APOLD1: variants seen among roughly 807,000 people sequenced by gnomAD.
APOLD1 encodes the protein apolipoprotein L domain containing 1, also known as apolipoprotein L domain-containing protein 1.
A neutral mutation model predicts 15.3 loss-of-function variants in APOLD1; 22 were observed. The ratio of observed to expected loss-of-function variants is 1.44; its 90% CI spans 1.03 to 2.05. APOLD1 has a LOEUF of 2.05. APOLD1 is among the 30% of genes most tolerant of loss of function. APOLD1 has a pLI of 0.00. For missense variants in APOLD1, 394 were observed against 353.5 expected (o/e 1.11, Z -0.92); for synonymous variants, 190 against 167.4 (o/e 1.13, Z -1.04).
intron 1 of APOLD1, among the ~76,000 whole-genome samples, chr12:12,748,435 TTC>T (rs1282438126): frequency 2.6e-5 from 4 of 152,234 alleles, no homozygotes; most frequent in Non-Finnish European, 5.9e-5. Flanking sequence ...TGCTTAGATT[TTC>T]TCTTTCTTTC....
chr12:12,745,731 G>A (rs1263399820), intron 1 of APOLD1, among the ~76,000 whole-genome samples: 2 of 152,098 alleles, frequency 1.3e-5, no homozygotes, highest in Non-Finnish European at 2.9e-5. Context: ...TGGCCTCAAG[G>A]CAAGGGCAGG....
At chr12:12,759,221 A>G (rs1169314082) in intron 1 of APOLD1, among the ~76,000 whole-genome samples, 3 of 152,222 alleles carry the variant, frequency 2.0e-5, no homozygotes, top group Non-Finnish European at 2.9e-5. Context: ...AACAACGAAA[A>G]GGGAAACCAT....
rs1296154126 is a variant in APOLD1, at chr12:12,786,975, C to T, written c.70C>T (p.Leu24=). Residue 24 remains leucine (L), a synonymous_variant, in exon 2 of 2, where the codon CTG becomes TTG. Transcript: ENST00000356591. ...PDALRRFQGL[L]LDRRGRLHGQ... ...CGCGCTGCGGCGCTTCCAGGGACTGCTGCTGGACCGCCGAGGCCGGCTGCA... is the reference window on the plus strand; with the variant it reads ...CGCGCTGCGGCGCTTCCAGGGACTGTTGCTGGACCGCCGAGGCCGGCTGCA... The T allele has an allele frequency of 7.6e-6, 11 of 1,439,172 alleles. No homozygotes were observed. The East Asian group carries it at 2.4e-4, about 32-fold the overall frequency. The allele number at this position is 1,439,172 out of a possible 1,614,324, so 89.2% of individuals were successfully genotyped here.
chr12:12,757,076 T>C (rs963812227), intron 1 of APOLD1, among the ~76,000 whole-genome samples: 22 of 152,182 alleles, frequency 1.4e-4, no homozygotes, highest in African/African-American at 5.1e-4. Context: ...TGTGAGCCAC[T>C]GTGCCTGGCC....
chr12:12,764,177 A>G (rs10772598), intron 1 of APOLD1, among the ~76,000 whole-genome samples: 114,772 of 152,090 alleles, frequency 0.75, 44,226 homozygotes, highest in East Asian at 0.95. Context: ...TGGGCAGGGT[A>G]GTCTTGAACT....
At chr12:12,750,595 C>G (rs1311282479) in intron 1 of APOLD1, among the ~76,000 whole-genome samples, 1 of 151,618 alleles carries the variant, frequency 6.6e-6, no homozygotes, top group African/African-American at 2.4e-5. Context: ...TATATTTTTT[C>G]TCAATATTAT....
At chr12:12,740,829 A>G (rs1354617102) in intron 1 of APOLD1, among the ~76,000 whole-genome samples, 1 of 152,176 alleles carries the variant, frequency 6.6e-6, no homozygotes, top group African/African-American at 2.4e-5. Flanking sequence ...GAGACAATCC[A>G]TATATTACTA....
At chr12:12,757,117 C>A (rs1168644532) in intron 1 of APOLD1, among the ~76,000 whole-genome samples, 4 of 152,166 alleles carry the variant, frequency 2.6e-5, no homozygotes, top group Admixed American at 1.3e-4. Flanking sequence ...AGAAAAACTT[C>A]TCCAAAACAA....
chr12:12,770,720 A>G (rs111850683), intron 1 of APOLD1, among the ~76,000 whole-genome samples: 2 of 151,564 alleles, frequency 1.3e-5, no homozygotes, highest in African/African-American at 4.8e-5. Flanking sequence ...TCCCCAAGCC[A>G]GTGTCAGACA....
chr12:12,764,856 A>G (rs1205923817), intron 1 of APOLD1: 1 of 211,600 alleles, frequency 4.7e-6, no homozygotes, highest in Admixed American at 5.2e-5. Context: ...TGGGCTAACA[A>G]ATAAACCCTG....
At chr12:12,770,780 T>A (rs374133876) in intron 1 of APOLD1, among the ~76,000 whole-genome samples, 2 of 142,460 alleles carry the variant, frequency 1.4e-5, no homozygotes, top group Admixed American at 7.0e-5. Context: ...GAATACATGT[T>A]AAAAAAAAAA....
chr12:12,780,361 A>G (rs1182911926), intron 1 of APOLD1, among the ~76,000 whole-genome samples: 1 of 150,080 alleles, frequency 6.7e-6, no homozygotes, highest in Non-Finnish European at 1.5e-5. Context: ...CTCCCAGCTT[A>G]GCCTCCCAAG....
At chr12:12,726,361 C>T (rs1946593649) in intron 1 of APOLD1, 2 of 555,940 alleles carry the variant, frequency 3.6e-6, no homozygotes, top group East Asian at 3.8e-5. Context: ...TTTGAAGTGC[C>T]TTTGATTTCT....
chr12:12,774,079 G>A (rs1370719472), intron 1 of APOLD1, among the ~76,000 whole-genome samples: 1 of 152,196 alleles, frequency 6.6e-6, no homozygotes, highest in South Asian at 2.1e-4. Flanking sequence ...ATGAAAGAAA[G>A]AATTGGTAAA....
At chr12:12,744,844 TAG>T (rs1946753682) in intron 1 of APOLD1, among the ~76,000 whole-genome samples, 1 of 152,132 alleles carries the variant, frequency 6.6e-6, no homozygotes, top group South Asian at 2.1e-4. Flanking sequence ...CTGTTTTATG[TAG>T]AGTGTCTGTC....
At chr12:12,735,856 A>G (rs943382371) in intron 1 of APOLD1, among the ~76,000 whole-genome samples, 1 of 152,178 alleles carries the variant, frequency 6.6e-6, no homozygotes, top group African/African-American at 2.4e-5. Context: ...CTGAAGCAGG[A>G]GGATCGCTTG....
chr12:12,752,881 GCTATCC>G (rs1232832095), intron 1 of APOLD1, among the ~76,000 whole-genome samples: 5 of 152,184 alleles, frequency 3.3e-5, no homozygotes, highest in African/African-American at 4.8e-5. Flanking sequence ...ATTGCTGCTT[GCTATCC>G]CTTCTCTATC....
chr12:12,732,688 G>T (rs1274932400), intron 1 of APOLD1, among the ~76,000 whole-genome samples: 2 of 141,382 alleles, frequency 1.4e-5, no homozygotes, highest in African/African-American at 5.3e-5. Flanking sequence ...TTACACTACT[G>T]CACTCCACTC....
At chr12:12,755,969 T>C (rs907293981) in intron 1 of APOLD1, among the ~76,000 whole-genome samples, 14 of 152,222 alleles carry the variant, frequency 9.2e-5, no homozygotes, top group Non-Finnish European at 1.6e-4. Flanking sequence ...GCCAATTCCT[T>C]AAACTAAACC....
Sources: allele counts gnomAD v4.1 joint callset (sites outside exome capture counted in the v4.1 genomes callset), GRCh38; gene constraint gnomAD v4.1.1; transcripts MANE v1.5; gene names NCBI Gene and HGNC (gene_info 2026-07-23, HGNC 2026-07-21).